Variants in CAMK4 observed in about 807,000 individuals in gnomAD.
CAMK4 encodes calcium/calmodulin-dependent protein kinase type IV.
A neutral mutation model predicts 44.9 loss-of-function variants in CAMK4; 22 were observed. The observed-to-expected ratio is 0.49, with a 90% CI of 0.35 to 0.70. The LOEUF (loss-of-function observed/expected upper bound fraction) is 0.70. CAMK4 is among the 30% of genes least tolerant of loss of function. CAMK4 has a pLI of 0.01. For missense variants in CAMK4, 498 were observed against 586.8 expected, an observed-to-expected ratio of 0.85 and a Z score of 1.56; for synonymous variants, 218 against 215.4, an observed-to-expected ratio of 1.01 and a Z score of -0.11.
chr5:111,438,707 A>T (rs931425507), intron 5 of CAMK4, among the ~76,000 whole-genome samples: 1 of 152,224 alleles, frequency 6.6e-6, no homozygotes, highest in Non-Finnish European at 1.5e-5. Context: ...CAATTTAGGA[A>T]GTGGAGTCAG....
rs73214495 is a variant in CAMK4 at position 111,366,943 on chromosome 5, G to A, written c.241-7907G>A. ...GTTTAAGTAAAGGAGCTAGGACAAG[G>A]CATTACAGAAAAACCCCAGGTGCCC... On this transcript the variant is annotated intron_variant, in intron 2 of 10. Transcript: ENST00000282356. Among the ~76,000 whole-genome samples the A allele has an allele frequency of 1.6e-3, 243 of 151,766 alleles. 2 individuals are homozygous for A. Among genetic ancestry groups the A allele is most frequent in the African/African-American group, 5.5e-3 (227 of 41,380 alleles).
chr5:111,493,528 C>A lies in CAMK4; in HGVS notation c.*9062C>A, dbSNP rs982710257. ...GTTATTTGACCTGAATAGGCAATCC[C>A]CCAGGATTTCTGATTGAATTCTACC... On this transcript the variant is annotated 3_prime_UTR_variant, in exon 11 of 11. Coordinates refer to ENST00000282356, the MANE Select transcript of CAMK4 (RefSeq NM_001744.6). The surrounding 1 kb of genome is among the most constrained non-coding windows in gnomAD (Gnocchi z 4.1). 2 of 152,130 alleles carry A rather than the reference C, an allele frequency of 1.3e-5. No individual in the cohort carries two copies. The highest frequency in any genetic ancestry group is 6.5e-5 in the Admixed American group (1 of 15,268). 9.4% of individuals were successfully genotyped at this position (152,130 alleles called of 1,614,324 possible).
chr5:111,424,446 T>G (rs1239425887), intron 5 of CAMK4, among the ~76,000 whole-genome samples: 1 of 130,468 alleles, frequency 7.7e-6, no homozygotes, highest in African/African-American at 2.9e-5. Context: ...TTTTTTTTTT[T>G]TTTTTTTTTT....
intron 5 of CAMK4, among the ~76,000 whole-genome samples, chr5:111,401,994 T>A (rs1335028651): frequency 1.3e-5 from 2 of 152,218 alleles, no homozygotes; most frequent in African/African-American, 2.4e-5. Context: ...ACTGAGACTG[T>A]TTCTGTTTGA....
intron 1 of CAMK4, among the ~76,000 whole-genome samples, chr5:111,289,317 GC>G (rs1751355532): frequency 6.6e-6 from 1 of 152,174 alleles, no homozygotes; most frequent in African/African-American, 2.4e-5. Flanking sequence ...TTGCACTCCA[GC>G]CTGAGCAAGA....
At chr5:111,257,325 A>C (rs1049808940) in intron 1 of CAMK4, among the ~76,000 whole-genome samples, 2 of 152,364 alleles carry the variant, frequency 1.3e-5, no homozygotes, top group Non-Finnish European at 2.9e-5. Context: ...ACCCCATTAA[A>C]AAGTGGGCGA....
At chr5:111,469,708 T>A (rs1434166393) in intron 7 of CAMK4, among the ~76,000 whole-genome samples, 1 of 152,216 alleles carries the variant, frequency 6.6e-6, no homozygotes, top group Non-Finnish European at 1.5e-5. Flanking sequence ...TAGGGCAGCA[T>A]ACACAGTAGC....
At chr5:111,315,968 G>A (rs987712706) in intron 1 of CAMK4, among the ~76,000 whole-genome samples, 1 of 152,044 alleles carries the variant, frequency 6.6e-6, no homozygotes, top group Non-Finnish European at 1.5e-5. Context: ...GGCTCTCTAG[G>A]CAATAATTTG....
At chr5:111,234,662 G>C (rs765411781) in intron 1 of CAMK4, among the ~76,000 whole-genome samples, 11 of 152,170 alleles carry the variant, frequency 7.2e-5, no homozygotes, top group Non-Finnish European at 1.5e-4. Context: ...GCTTAACCCT[G>C]TTAGCAAATG....
intron 1 of CAMK4, among the ~76,000 whole-genome samples, chr5:111,310,130 G>T (rs969161353): frequency 2.6e-5 from 4 of 151,954 alleles, no homozygotes; most frequent in Admixed American, 2.0e-4. Flanking sequence ...CGTTTTGGGG[G>T]TAGAGTTGAC....
chr5:111,487,614 G>A lies in CAMK4; in HGVS notation c.*3148G>A, dbSNP rs932339928. ...ATCCAAATTATTCTATCGATATATA[G>A]TCAATATTAAAATTTAATGTGATAT... On this transcript the variant is annotated 3_prime_UTR_variant, in exon 11 of 11. Transcript: ENST00000282356. 14 of 152,062 alleles carry A rather than the reference G, an allele frequency of 9.2e-5. No individual in the cohort carries two copies. The highest frequency in any genetic ancestry group is 1.8e-4 in the Non-Finnish European group (12 of 68,010). The allele number at this position is 152,062 out of a possible 1,614,324, so 9.4% of individuals were successfully genotyped here.
At chr5:111,408,792 C>A (rs1212795752) in intron 5 of CAMK4, among the ~76,000 whole-genome samples, 1 of 152,144 alleles carries the variant, frequency 6.6e-6, no homozygotes, top group Non-Finnish European at 1.5e-5. Flanking sequence ...TACAGCCATT[C>A]CAAATGGGAG....
chr5:111,376,753 C>T (rs1751227607), intron 3 of CAMK4, 107 bp from the exon 4 acceptor site: 2 of 555,142 alleles, frequency 3.6e-6, no homozygotes, highest in African/African-American at 1.9e-5. Context: ...TAACAGTGAT[C>T]CAACATATTA....
intron 1 of CAMK4, among the ~76,000 whole-genome samples, chr5:111,303,609 C>G (rs1329792325): frequency 1.0e-4 from 13 of 128,904 alleles, no homozygotes. Context: ...AAGACCAAAT[C>G]TACGTCTGAT....
intron 2 of CAMK4, among the ~76,000 whole-genome samples, chr5:111,357,089 A>G (rs1475180894): frequency 6.6e-6 from 1 of 152,092 alleles, no homozygotes; most frequent in Non-Finnish European, 1.5e-5. Context: ...TTTTATAAGC[A>G]TTGGGCAATT....
intron 6 of CAMK4, 70 bp downstream of exon 6, chr5:111,446,846 T>C: frequency 1.1e-6 from 1 of 871,232 alleles, no homozygotes; most frequent in Non-Finnish European, 2.0e-6. Context: ...TGTGGAATTT[T>C]TAAATATTGC....
chr5:111,477,648 A>T (rs1287085520), intron 8 of CAMK4, among the ~76,000 whole-genome samples: 1 of 152,134 alleles, frequency 6.6e-6, no homozygotes, highest in Non-Finnish European at 1.5e-5. Flanking sequence ...CACTTTTCCC[A>T]TTCATTTTTA....
Position 111,446,752 on chromosome 5 carries a change from G to T in CAMK4, c.526G>T (p.Ala176Ser). ...KPENLLYATP[A>S]PDAPLKIADF... ...AGAGAATCTTCTTTATGCAACTCCA[G>T]CCCCAGATGCACCACTCAAAATCGG... The change falls in exon 6 of 11, where the codon GCC becomes TCC. Residue 176 changes from alanine (A) to serine (S), a missense_variant. Physicochemically the swap from Ala to Ser is moderately conservative, Grantham distance 99 (BLOSUM62 1). Transcript: ENST00000282356. 6.2e-7 allele frequency: 1 copy of T among 1,607,126 alleles called. No homozygotes were observed. Among genetic ancestry groups the T allele is most frequent in the South Asian group, 1.1e-5 (1 of 90,910 alleles).
chr5:111,341,520 T>C (rs983853508), intron 1 of CAMK4, among the ~76,000 whole-genome samples: 2 of 151,152 alleles, frequency 1.3e-5, no homozygotes, highest in Non-Finnish European at 3.0e-5. Context: ...CATATATGTG[T>C]AGGACTATTT....
Sources: gnomAD v4.1 joint callset for allele counts (sites outside exome capture counted in the v4.1 genomes callset) on GRCh38, gnomAD v4.1.1 for gene constraint, Gnocchi (gnomAD v3.1) non-coding constraint, MANE v1.5 for transcripts, NCBI Gene and HGNC (gene_info 2026-07-23, HGNC 2026-07-21) for gene names.